SMARCB1: variants seen among roughly 807,000 people sequenced by gnomAD.
SMARCB1 encodes the protein SWI/SNF-related matrix-associated actin-dependent regulator of chromatin subfamily B member 1.
In SMARCB1, 5 loss-of-function variants were observed where a neutral mutation model predicts 49.0. That is an observed-to-expected ratio of 0.10 (90% CI 0.05 to 0.21). The LOEUF is 0.21. SMARCB1 is among the 10% of genes least tolerant of loss of function. The probability of loss-of-function intolerance (pLI) is 1.00; values close to 1 mark genes in which losing one functional copy is unlikely to be tolerated. For synonymous variants in SMARCB1, 201 were observed against 200.1 expected (o/e 1.00, Z -0.04); for missense variants, 226 against 509.2 (o/e 0.44, Z 5.35).
rs1030011812 is a variant in SMARCB1 at position 23,835,925 on chromosome 22, C to T, written c.*1745C>T. On this transcript the variant is annotated 3_prime_UTR_variant, in exon 9 of 9. Transcript: ENST00000644036. ...ATCTCCACAAGGTCTGGCTACAACA[C>T]GGAGGGCAGACTCAACAGAGAACAG... The T allele has an allele frequency of 3.0e-5, 30 of 985,482 alleles. No homozygotes were observed. Among genetic ancestry groups the T allele is most frequent in the Middle Eastern group, 5.2e-4 (1 of 1,914 alleles). The allele number at this position is 985,482 out of a possible 1,614,324, so 61.0% of individuals were successfully genotyped here. A position where few individuals can be genotyped will look rare whatever the true frequency, so the allele number is the denominator to read the frequency against.
intron 5 of SMARCB1, among the ~76,000 whole-genome samples, chr22:23,805,222 G>T (rs1488322100): frequency 6.6e-6 from 1 of 152,182 alleles, no homozygotes; most frequent in East Asian, 1.9e-4. Context: ...AGCTGGTGAG[G>T]GGGGACGCCA....
At chr22:23,831,918 C>T (rs1444700377) in intron 7 of SMARCB1, among the ~76,000 whole-genome samples, 2 of 152,156 alleles carry the variant, frequency 1.3e-5, no homozygotes, top group African/African-American at 4.8e-5. Flanking sequence ...GGGGTGCCGA[C>T]ATTGCCTCTG....
At chr22:23,833,489 C>T in intron 7 of SMARCB1, 83 bp from the exon 8 acceptor site, 1 of 1,583,464 alleles carries the variant, frequency 6.3e-7, no homozygotes, top group South Asian at 1.1e-5. Context: ...AGGAGCAGGG[C>T]ACAGACAGGG....
At position 23,801,073 on chromosome 22, in the gene SMARCB1, C is replaced by T. The variant is rs780005225; in HGVS notation, c.492C>T (p.Phe164=). 9 of 1,614,222 alleles carry T rather than the reference C, an allele frequency of 5.6e-6. No individual in the cohort carries two copies. The East Asian group carries it at 1.1e-4, about 20-fold the overall frequency. Residue 164 remains phenylalanine, a synonymous_variant, in exon 4 of 9, where the codon TTC becomes TTT. Transcript: ENST00000644036. The part of the protein sequence containing the change: ...NRMGRDKKRT[F]PLCFDDHDPA... Reference sequence around the variant, plus strand: ...TGGGCCGAGACAAGAAGAGAACCTTCCCCCTTTGGTGTGGATGCATCGCTG... The same window carrying T: ...TGGGCCGAGACAAGAAGAGAACCTTTCCCCTTTGGTGTGGATGCATCGCTG...
intron 7 of SMARCB1, among the ~76,000 whole-genome samples, chr22:23,831,954 A>C (rs1054830560): frequency 6.6e-6 from 1 of 152,108 alleles, no homozygotes; most frequent in African/African-American, 2.4e-5. Flanking sequence ...CACCAGTACG[A>C]GCTTGAGCTT....
At chr22:23,791,247 G>A (rs1048359243) in intron 1 of SMARCB1, among the ~76,000 whole-genome samples, 2 of 152,186 alleles carry the variant, frequency 1.3e-5, no homozygotes, top group African/African-American at 2.4e-5. Flanking sequence ...TGATTGCCTT[G>A]TAAACCTTTT....
chr22:23,792,564 C>T, intron 2 of SMARCB1: 1 of 171,596 alleles, frequency 5.8e-6, no homozygotes, highest in Non-Finnish European at 1.3e-5. Context: ...AAACTGCTTC[C>T]CACGTGGCAA....
Position 23,787,027 on chromosome 22 carries a change from A to G in SMARCB1, c.-143A>G, listed in dbSNP as rs1928020928. 1 of 537,208 alleles carries G rather than the reference A, an allele frequency of 1.9e-6. No individual in the cohort carries two copies. Among genetic ancestry groups the G allele is most frequent in the Non-Finnish European group, 3.2e-6 (1 of 308,216 alleles). The allele number at this position is 537,208 out of a possible 1,614,324, so 33.3% of individuals were successfully genotyped here. A position where few individuals can be genotyped will look rare whatever the true frequency, so the allele number is the denominator to read the frequency against. On this transcript the variant is annotated 5_prime_UTR_variant, in exon 1 of 9. Coordinates refer to ENST00000644036, the MANE Select transcript of SMARCB1 (RefSeq NM_003073.5). ...TCTGCGGCGGCGGCGGCGGCTGAGG[A>G]GCCCGGCTGAGGCGCCAGTACCCGG...
At chr22:23,823,848 A>G (rs2030235748) in intron 6 of SMARCB1, 1 of 152,216 alleles carries the variant, frequency 6.6e-6, no homozygotes, top group Non-Finnish European at 1.5e-5. Flanking sequence ...TGTCTCTACA[A>G]AATATTAGCC....
intron 3 of SMARCB1, among the ~76,000 whole-genome samples, chr22:23,799,922 G>A (rs561067264): frequency 6.6e-6 from 1 of 152,184 alleles, no homozygotes; most frequent in South Asian, 2.1e-4. Flanking sequence ...CTGACCTCGT[G>A]ATCTGCCCGC....
Position 23,836,330 on chromosome 22 carries a change from G to A in SMARCB1, c.*2150G>A, listed in dbSNP as rs1211485439. 1.0e-6 allele frequency: 1 copy of A among 985,410 alleles called. No homozygotes were observed. Among genetic ancestry groups the A allele is most frequent in the Admixed American group, 6.1e-5 (1 of 16,264 alleles). The allele number at this position is 985,410 out of a possible 1,614,324, so 61.0% of individuals were successfully genotyped here. A position where few individuals can be genotyped will look rare whatever the true frequency, so the allele number is the denominator to read the frequency against. ...AGGGTGGCTGATGAGAGACAGGAGAGGCTAGATTGGCATCAGCCTGAAGGC... is the reference window on the plus strand; with the variant it reads ...AGGGTGGCTGATGAGAGACAGGAGAAGCTAGATTGGCATCAGCCTGAAGGC... On this transcript the variant is annotated 3_prime_UTR_variant, in exon 9 of 9. Coordinates refer to ENST00000644036, the MANE Select transcript of SMARCB1 (RefSeq NM_003073.5).
Position 23,819,317 on chromosome 22 carries a change from CATTT to C in SMARCB1, c.795+2385_795+2388del, listed in dbSNP as rs1032144306. Among the ~76,000 whole-genome samples, 69 of 149,408 alleles carry C rather than the reference CATTT, an allele frequency of 4.6e-4. No individual in the cohort carries two copies. The South Asian group carries it at 0.015, about 33-fold the overall frequency. On this transcript the variant is annotated intron_variant, in intron 6 of 8. Coordinates refer to ENST00000644036, the MANE Select transcript of SMARCB1 (RefSeq NM_003073.5). ...AGGTATCTGTTGGTGTCCCTGTTTT[CATTT>C]ATTCATTCATTCATTCATTCATTCA...
chr22:23,820,616 A>G (rs2030034925), intron 6 of SMARCB1, among the ~76,000 whole-genome samples: 1 of 151,588 alleles, frequency 6.6e-6, no homozygotes. Context: ...TGAAGCCATC[A>G]GGTCTAAGGC....
intron 7 of SMARCB1, chr22:23,825,683 G>A (rs377391052): frequency 3.1e-5 from 16 of 520,538 alleles, no homozygotes; most frequent in African/African-American, 2.5e-4. Flanking sequence ...TTGCCTCCAC[G>A]GAGCCCTGGC....
Position 23,792,105 on chromosome 22 carries a change from C to G in SMARCB1, c.232+211C>G, listed in dbSNP as rs192253512. Reference sequence around the variant, plus strand: ...CCACTGTCAGTTATTTCCAGCAGGGCCATTGGGTATGTGAGCGGGCCGGGG... The same window carrying G: ...CCACTGTCAGTTATTTCCAGCAGGGGCATTGGGTATGTGAGCGGGCCGGGG... On this transcript the variant is annotated intron_variant, in intron 2 of 8. Coordinates refer to ENST00000644036, the MANE Select transcript of SMARCB1 (RefSeq NM_003073.5). The G allele has an allele frequency of 1.1e-3, 699 of 612,520 alleles. 2 individuals are homozygous for G. Among genetic ancestry groups the G allele is most frequent in the African/African-American group, 0.011 (607 of 54,866 alleles). 37.9% of individuals were successfully genotyped at this position (612,520 alleles called of 1,614,324 possible).
intron 7 of SMARCB1, 186 bp downstream of exon 7, chr22:23,825,601 A>G: frequency 1.6e-6 from 1 of 607,330 alleles, no homozygotes; most frequent in South Asian, 2.0e-5. Flanking sequence ...CCGCTGTGCC[A>G]GGTAGGGTTA....
chr22:23,792,960 T>C (rs1305257186), intron 2 of SMARCB1: 2 of 171,920 alleles, frequency 1.2e-5, no homozygotes, highest in African/African-American at 2.4e-5. Context: ...TTGACGGAGA[T>C]TCCCCGGAAG....
intron 3 of SMARCB1, among the ~76,000 whole-genome samples, chr22:23,799,347 C>T (rs1010062893): frequency 1.1e-4 from 16 of 151,360 alleles, no homozygotes; most frequent in Admixed American, 5.3e-4. Context: ...TGGTTGATCC[C>T]GGCTCACTGC....
At chr22:23,833,533 T>A (rs1555881534) in intron 7 of SMARCB1, 39 bp from the exon 8 acceptor site, 1 of 1,613,978 alleles carries the variant, frequency 6.2e-7, no homozygotes, top group Non-Finnish European at 8.5e-7. Flanking sequence ...CATCTATAGC[T>A]GGAAAAGTCA....
Sources: allele counts gnomAD v4.1 joint callset (sites outside exome capture counted in the v4.1 genomes callset), GRCh38; gene constraint gnomAD v4.1.1; transcripts MANE v1.5; gene names NCBI Gene and HGNC (gene_info 2026-07-23, HGNC 2026-07-21).